Variants in APOBR observed in about 807,000 individuals in gnomAD.
The protein encoded by APOBR is apolipoprotein B receptor.
APOBR carries 57 observed loss-of-function variants against 88.5 expected under a neutral mutation model. The ratio of observed to expected loss-of-function variants is 0.64; its 90% CI spans 0.52 to 0.80. The LOEUF (loss-of-function observed/expected upper bound fraction) is 0.80, where lower values mean the gene tolerates loss of function less well. APOBR is among the 30% of genes least tolerant of loss of function. The pLI is 0.00. For missense variants in APOBR, 1,443 were observed against 1,401.6 expected (o/e 1.03, Z -0.47); for synonymous variants, 588 against 572.7 (o/e 1.03, Z -0.38).
Position 28,496,139 on chromosome 16 carries a change from C to T in APOBR, c.1098C>T (p.Ala366=). 6.5e-7 allele frequency: 1 copy of T among 1,535,264 alleles called. No homozygotes were observed. The highest frequency in any genetic ancestry group is 8.7e-7 in the Non-Finnish European group (1 of 1,143,550). Residue 366 remains alanine, a synonymous_variant, in exon 2 of 4, where the codon GCC becomes GCT. Transcript: ENST00000564831. The part of the protein sequence containing the change: ...TASGGEEAGT[A]SGGDEAWTTS... ...CAGGAGGGGAGGAGGCCGGGACAGC[C>T]TCAGGAGGGGACGAGGCCTGGACAA...
In APOBR at chr16:28,498,814, G is replaced by C; in HGVS notation, c.*309G>C. On this transcript the variant is annotated 3_prime_UTR_variant, in exon 4 of 4. Coordinates refer to ENST00000564831, the MANE Select transcript of APOBR (RefSeq NM_018690.4). ...GGACTGCAAGGAGGCTGGGCACGGGGGCTCACGCCTGTCACCCCAGAGCTT... is the reference window on the plus strand; with the variant it reads ...GGACTGCAAGGAGGCTGGGCACGGGCGCTCACGCCTGTCACCCCAGAGCTT... 1.8e-6 allele frequency: 1 copy of C among 567,042 alleles called. No individual in the cohort carries two copies. 35.1% of individuals were successfully genotyped at this position (567,042 alleles called of 1,614,324 possible). A position where few individuals can be genotyped will look rare whatever the true frequency, so the allele number is the denominator to read the frequency against.
chr16:28,494,832 C>T, intron 1 of APOBR, 94 bp downstream of exon 1: 1 of 1,211,196 alleles, frequency 8.3e-7, no homozygotes, highest in Non-Finnish European at 1.2e-6. Context: ...TTCCCCTCCT[C>T]CTTCTGATCT....
Position 28,497,571 on chromosome 16 carries a change from G to A in APOBR, c.2530G>A (p.Glu844Lys), listed in dbSNP as rs34395441. ...GGPWGGRVEA[E>K]ESAGAEDSCG... ...ACCTTGGGGAGGGCGGGTAGAGGCC[G>A]AGGAATCTGCAGGCGCAGAGGACAG... The change falls in exon 2 of 4, where the codon GAG becomes AAG. Residue 844 changes from glutamate to lysine, a missense_variant. Physicochemically the swap from Glu to Lys is moderately conservative, Grantham distance 56. Transcript: ENST00000564831. 66,602 of 1,604,340 alleles carry A rather than the reference G, an allele frequency of 0.042. 1,606 individuals are homozygous for A. Among genetic ancestry groups the A allele is most frequent in the Non-Finnish European group, 0.05 (58,880 of 1,175,168 alleles).
Position 28,498,693 on chromosome 16 carries a change from C to T in APOBR, c.*188C>T, listed in dbSNP as rs1286840346. On this transcript the variant is annotated 3_prime_UTR_variant, in exon 4 of 4. Transcript: ENST00000564831. ...TGGGAAGACCGTGAACTTAAGGAGT[C>T]TGATTCTCCGACACAGGCTGGTGGA... The T allele has an allele frequency of 2.0e-5, 14 of 689,238 alleles. No homozygotes were observed. The highest frequency in any genetic ancestry group is 3.3e-5 in the Non-Finnish European group (14 of 417,970). The allele number at this position is 689,238 out of a possible 1,614,324, so 42.7% of individuals were successfully genotyped here.
chr16:28,496,459 G>T lies in APOBR; in HGVS notation c.1418G>T (p.Arg473Met), dbSNP rs754017061. The T allele has an allele frequency of 1.9e-6, 3 of 1,611,516 alleles. No homozygotes were observed. In the South Asian group the frequency reaches 3.3e-5, roughly 18 times the overall value. ...CTGCGTGGTAAGGAGGCTGAGATGA[G>T]GCAGGACTTGGGGATCAGGGCCGAC... is the stretch of plus-strand genomic sequence containing the variant. ...VDLRGKEAEM[R>M]QDLGIRADRA... The change falls in exon 2 of 4, where the codon AGG becomes ATG. Residue 473 changes from arginine to methionine, a missense_variant. Arg to Met is a moderately conservative substitution (Grantham distance 91, BLOSUM62 -1). Coordinates refer to ENST00000564831, the MANE Select transcript of APOBR (RefSeq NM_018690.4).
Position 28,498,446 on chromosome 16 carries a change from G to C in APOBR, c.3235G>C (p.Ala1079Pro). The C allele has an allele frequency of 6.2e-7, 1 of 1,601,644 alleles. No homozygotes were observed. ...RRPLGHGFGL[A>P]HPGMMQELQA... is the part of the protein sequence containing the mutation. ...GACTTCCGCCTCCAGGTTTGGCCTC[G>C]CGCACCCTGGCATGATGCAGGAGCT... is the stretch of plus-strand genomic sequence containing the variant. Residue 1079 changes from alanine to proline, a missense_variant, in exon 4 of 4, where the codon GCG becomes CCG. Physicochemically the swap from Ala to Pro is conservative, Grantham distance 27 (BLOSUM62 -1). Coordinates refer to ENST00000564831, the MANE Select transcript of APOBR (RefSeq NM_018690.4).
chr16:28,495,824 G>T lies in APOBR; in HGVS notation c.783G>T (p.Arg261Ser). 1 of 1,606,698 alleles carries T rather than the reference G, an allele frequency of 6.2e-7. No individual in the cohort carries two copies. The highest frequency in any genetic ancestry group is 1.1e-5 in the South Asian group (1 of 89,662). ...TGGAGAAGGCCTGTGAAAGCACTAG[G>T]GCATGGGGGACGTGGGGCCCAGGGG... is the stretch of plus-strand genomic sequence containing the variant. ...VVVEKACESTRAWGTWGPGAE... is the reference protein window; with the variant it reads ...VVVEKACESTSAWGTWGPGAE... The change falls in exon 2 of 4, where the codon AGG becomes AGT. Residue 261 changes from arginine to serine, a missense_variant. Coordinates refer to ENST00000564831, the MANE Select transcript of APOBR (RefSeq NM_018690.4).
chr16:28,494,678 C>G lies in APOBR; in HGVS notation c.-4C>G. On this transcript the variant is annotated 5_prime_UTR_variant, in exon 1 of 4. Coordinates refer to ENST00000564831, the MANE Select transcript of APOBR (RefSeq NM_018690.4). ...TTCTGGACACACAGACAGAGACAGA[C>G]AGGATGGACTTCCTCCGGCTATACC... 2 of 1,611,834 alleles carry G rather than the reference C, an allele frequency of 1.2e-6. No individual in the cohort carries two copies. Among genetic ancestry groups the G allele is most frequent in the Non-Finnish European group, 8.5e-7 (1 of 1,178,636 alleles).
At position 28,495,354 on chromosome 16, in the gene APOBR, G is replaced by C; in HGVS notation, c.313G>C (p.Asp105His). The C allele has an allele frequency of 6.4e-7, 1 of 1,559,340 alleles. No individual in the cohort carries two copies. Among genetic ancestry groups the C allele is most frequent in the Non-Finnish European group, 8.7e-7 (1 of 1,152,216 alleles). ...SAVEQTWGWG[D>H]GSSHGSQAER... ...TGTAGAACAGACCTGGGGCTGGGGA[G>C]ATGGCAGCTCCCATGGGTCCCAAGC... Residue 105 changes from aspartate to histidine, a missense_variant, in exon 2 of 4, where the codon GAT becomes CAT. Transcript: ENST00000564831.
Position 28,498,101 on chromosome 16 carries a change from C to T in APOBR, c.2976C>T (p.Leu992=). 2.5e-6 allele frequency: 4 copies of T among 1,576,738 alleles called. No homozygotes were observed. The highest frequency in any genetic ancestry group is 3.4e-6 in the Non-Finnish European group (4 of 1,165,966). Residue 992 remains leucine, a synonymous_variant, in exon 3 of 4, where the codon CTC becomes CTT. Transcript: ENST00000564831. The part of the protein sequence containing the change: ...SWSEAPLPGS[L]LDVSVPRSRV... The stretch of plus-strand genomic sequence containing the variant: ...TGCAGGCCCCGCTCCCCGGGTCCCT[C>T]CTAGACGTCTCTGTCCCAAGGAGTC...
rs745590779 is a variant in APOBR, at chr16:28,496,320, C to G, written c.1279C>G (p.Gln427Glu). 2.1e-5 allele frequency: 34 copies of G among 1,584,166 alleles called. No individual in the cohort carries two copies. Among genetic ancestry groups the G allele is most frequent in the Non-Finnish European group, 2.7e-5 (32 of 1,166,178 alleles). The change falls in exon 2 of 4, where the codon CAG (glutamine) becomes GAG (glutamate). Residue 427 changes from glutamine to glutamate, a missense_variant. Physicochemically the swap from Gln to Glu is conservative, Grantham distance 29. Coordinates refer to ENST00000564831, the MANE Select transcript of APOBR (RefSeq NM_018690.4). ...GGCTGAGGTGAGCCCTTTCCCCAAA[C>G]AGCCCCAGGTCCTGGGCACTGAAAG... is the stretch of plus-strand genomic sequence containing the variant. The part of the protein sequence containing the change: ...REAEVSPFPK[Q>E]PQVLGTERTE...
rs756059986 is a variant in APOBR, at chr16:28,496,156, C to T, written c.1115C>T (p.Ala372Val). Residue 372 changes from alanine to valine, a missense_variant, in exon 2 of 4, where the codon GCC becomes GTC. By Grantham distance (64) the Ala-to-Val change is moderately conservative. Transcript: ENST00000564831. Reference sequence around the variant, plus strand: ...GGGACAGCCTCAGGAGGGGACGAGGCCTGGACAACCTCAGGCAAAGAGGAG... The same window carrying T: ...GGGACAGCCTCAGGAGGGGACGAGGTCTGGACAACCTCAGGCAAAGAGGAG... ...EAGTASGGDEAWTTSGKEEAD... is the reference protein window; with the variant it reads ...EAGTASGGDEVWTTSGKEEAD... 4 of 1,546,152 alleles carry T rather than the reference C, an allele frequency of 2.6e-6. No homozygotes were observed. Among genetic ancestry groups the T allele is most frequent in the Admixed American group, 2.0e-5 (1 of 50,076 alleles).
In APOBR at chr16:28,496,890, T is replaced by A; in HGVS notation, c.1849T>A (p.Ser617Thr). 1.3e-6 allele frequency: 2 copies of A among 1,560,306 alleles called. No homozygotes were observed. Among genetic ancestry groups the A allele is most frequent in the Non-Finnish European group, 1.7e-6 (2 of 1,152,396 alleles). Reference protein sequence around the residue: ...RHAGSVKPEASEAFPGAWENR... With the variant: ...RHAGSVKPEATEAFPGAWENR... ...CGCGGGGTCTGTAAAGCCTGAGGCC[T>A]CCGAGGCCTTCCCAGGAGCCTGGGA... The change falls in exon 2 of 4, where the codon TCC becomes ACC. Residue 617 changes from serine to threonine, a missense_variant. Transcript: ENST00000564831.
chr16:28,494,853 G>T, intron 1 of APOBR, 115 bp downstream of exon 1: 1 of 1,108,536 alleles, frequency 9.0e-7, no homozygotes. Flanking sequence ...CCTCAAACTG[G>T]AGATTGCTTT....
chr16:28,495,588 G>A lies in APOBR; in HGVS notation c.547G>A (p.Glu183Lys), dbSNP rs1448763612. 2 of 1,562,582 alleles carry A rather than the reference G, an allele frequency of 1.3e-6. No individual in the cohort carries two copies. The highest frequency in any genetic ancestry group is 1.7e-6 in the Non-Finnish European group (2 of 1,153,250). The change falls in exon 2 of 4, where the codon GAA (glutamate) becomes AAA (lysine). Residue 183 changes from glutamate (E) to lysine (K), a missense_variant. By Grantham distance (56) the Glu-to-Lys change is moderately conservative. Transcript: ENST00000564831. ...AAGCTGGGAACAGGAGGAGGAGGAG[G>A]AAGAGGTCAGGGCAAGAGAGCCAGG... The part of the protein sequence containing the change: ...LRSWEQEEEE[E>K]EVRAREPGMA...
At position 28,498,014 on chromosome 16, in the gene APOBR, G is replaced by A; in HGVS notation, c.2955+18G>A. ...GGAGCGAGGTGAGGGCTCTTGGTGG[G>A]GTCTCGGGGGGAACGAGTGGAATCC... On this transcript the variant is annotated intron_variant, in intron 2 of 3. Transcript: ENST00000564831. 6 of 1,564,302 alleles carry A rather than the reference G, an allele frequency of 3.8e-6. No homozygotes were observed. The highest frequency in any genetic ancestry group is 5.2e-6 in the Non-Finnish European group (6 of 1,159,214).
At position 28,496,091 on chromosome 16, in the gene APOBR, AG is replaced by A. The variant is rs1163986851; in HGVS notation, c.1054del (p.Glu352ArgfsTer49). 1 of 754,728 alleles carries A rather than the reference AG, an allele frequency of 1.3e-6. No homozygotes were observed. The allele number at this position is 754,728 out of a possible 1,614,324, so 46.8% of individuals were successfully genotyped here. A position where few individuals can be genotyped will look rare whatever the true frequency, so the allele number is the denominator to read the frequency against. Reference protein sequence around the residue: ...SGGEAGTASGGEEAGTASGGE... With the variant: ...SGGEAGTASGXEEAGTASGGE... ...GCGGGGAGGCTGGGACAGCCTCAGG[AG>A]GGGAGGAGGCCGGGACAGCCTCAGG... On this transcript the variant is annotated frameshift_variant, in exon 2 of 4. Coordinates refer to ENST00000564831, the MANE Select transcript of APOBR (RefSeq NM_018690.4). LOFTEE classifies it high-confidence loss of function.
Position 28,495,119 on chromosome 16 carries a change from C to T in APOBR, c.78C>T (p.Val26=), listed in dbSNP as rs951128928. The T allele has an allele frequency of 1.3e-5, 20 of 1,532,478 alleles. No individual in the cohort carries two copies. Among genetic ancestry groups the T allele is most frequent in the Non-Finnish European group, 1.7e-5 (19 of 1,142,540 alleles). The allele number at this position is 1,532,478 out of a possible 1,614,324, so 94.9% of individuals were successfully genotyped here. Reference sequence around the variant, plus strand: ...CCTAGGATTCCCTCGGCACCTTTGTCTCCTACCTCCTGGGAGATGCAGTCC... The same window carrying T: ...CCTAGGATTCCCTCGGCACCTTTGTTTCCTACCTCCTGGGAGATGCAGTCC... ...RGALDSLGTF[V]SYLLGDAVPT... Residue 26 remains valine, a synonymous_variant, in exon 2 of 4, where the codon GTC becomes GTT. Transcript: ENST00000564831.
chr16:28,497,048 A>C lies in APOBR; in HGVS notation c.2007A>C (p.Glu669Asp), dbSNP rs1412969565. Residue 669 changes from glutamate to aspartate, a missense_variant, in exon 2 of 4, where the codon GAA becomes GAC. Physicochemically the swap from Glu to Asp is conservative, Grantham distance 45 (BLOSUM62 2). Transcript: ENST00000564831. ...AGGCTGAAGGAGACCGAGAGTCTGA[A>C]CTATCAGAAGTCCCAGAGGCAGGCG... ...AAEAEGDRES[E>D]LSEVPEAGGE... 1.3e-6 allele frequency: 2 copies of C among 1,589,504 alleles called. No homozygotes were observed. Among genetic ancestry groups the C allele is most frequent in the Non-Finnish European group, 1.7e-6 (2 of 1,168,646 alleles).
Sources: gnomAD v4.1 joint callset for allele counts on GRCh38, gnomAD v4.1.1 for gene constraint, MANE v1.5 for transcripts, NCBI Gene and HGNC (gene_info 2026-07-23, HGNC 2026-07-21) for gene names.